AFF4: variants seen among roughly 807,000 people sequenced by gnomAD.
The protein encoded by AFF4 is AF4/FMR2 family member 4.
Under a neutral mutation model 124.8 loss-of-function variants are expected in AFF4, and 13 were observed. The observed-to-expected ratio is 0.10, with a 90% CI of 0.07 to 0.17. AFF4 has a LOEUF of 0.17. Among genes scored for constraint, AFF4 ranks in the 10% least tolerant of loss-of-function variants. AFF4 has a pLI of 1.00. For synonymous variants in AFF4, 477 were observed against 496.1 expected (o/e 0.96, Z 0.51); for missense variants, 1,092 against 1,403.8 (o/e 0.78, Z 3.55).
At chr5:132,960,530 A>G (rs1156707537) in intron 1 of AFF4, among the ~76,000 whole-genome samples, 1 of 152,236 alleles carries the variant, frequency 6.6e-6, no homozygotes, top group African/African-American at 2.4e-5. Flanking sequence ...TCAGGTACAC[A>G]TAAAACTACG....
rs1163519027 is a variant in AFF4, at chr5:132,879,579, C to A, written c.*1480G>T. 1 of 206,548 alleles carries A rather than the reference C, an allele frequency of 4.8e-6. No individual in the cohort carries two copies. The highest frequency in any genetic ancestry group is 9.9e-6 in the Non-Finnish European group (1 of 101,048). The allele number at this position is 206,548 out of a possible 1,614,324, so 12.8% of individuals were successfully genotyped here. A position where few individuals can be genotyped will look rare whatever the true frequency, so the allele number is the denominator to read the frequency against. ...CCAATCATGTATGGACGATCTGGTC[C>A]TAGTGTAAAACTTCATTTGTAAACA... is the stretch of plus-strand genomic sequence containing the variant. On this transcript the variant is annotated 3_prime_UTR_variant, in exon 21 of 21. Coordinates refer to ENST00000265343, the MANE Select transcript of AFF4 (RefSeq NM_014423.4).
chr5:132,890,258 T>G (rs1311245200), intron 13 of AFF4, among the ~76,000 whole-genome samples: 1 of 151,988 alleles, frequency 6.6e-6, no homozygotes, highest in African/African-American at 2.4e-5. Flanking sequence ...CTAGGATAGC[T>G]TTTCCTCTGT....
intron 5 of AFF4, among the ~76,000 whole-genome samples, chr5:132,910,749 T>C (rs887366122): frequency 1.3e-5 from 2 of 152,228 alleles, no homozygotes; most frequent in African/African-American, 2.4e-5. Flanking sequence ...CAAACATTCA[T>C]TGAACAGCTA....
At position 132,878,624 on chromosome 5, in the gene AFF4, A is replaced by G; in HGVS notation, c.*2435T>C. On this transcript the variant is annotated 3_prime_UTR_variant, in exon 21 of 21. Transcript: ENST00000265343. ...CATTGAAAATTCAATCATTTATGATAGGATTTTGATCCATTGCCCATTACT... is the reference window on the plus strand; with the variant it reads ...CATTGAAAATTCAATCATTTATGATGGGATTTTGATCCATTGCCCATTACT... 4.4e-6 allele frequency: 1 copy of G among 229,076 alleles called. No individual in the cohort carries two copies. Among genetic ancestry groups the G allele is most frequent in the Non-Finnish European group, 8.7e-6 (1 of 115,228 alleles). The allele number at this position is 229,076 out of a possible 1,614,324, so 14.2% of individuals were successfully genotyped here.
chr5:132,935,644 GTC>G (rs1411598571), intron 2 of AFF4, among the ~76,000 whole-genome samples: 1 of 151,882 alleles, frequency 6.6e-6, no homozygotes, highest in Non-Finnish European at 1.5e-5. Context: ...GGTGGCGGGT[GTC>G]TGTAATCCCA....
At chr5:132,901,931 C>G (rs1442551264) in intron 7 of AFF4, among the ~76,000 whole-genome samples, 1 of 152,186 alleles carries the variant, frequency 6.6e-6, no homozygotes, top group Non-Finnish European at 1.5e-5. Flanking sequence ...TGCTTTCATA[C>G]TACAGATGGC....
intron 11 of AFF4, 63 bp from the exon 12 acceptor site, chr5:132,893,181 G>GCTAC: frequency 3.0e-6 from 4 of 1,325,202 alleles, no homozygotes; most frequent in Non-Finnish European, 4.4e-6. Flanking sequence ...TCCAGCACTA[G>GCTAC]CTACCCACAA....
intron 5 of AFF4, among the ~76,000 whole-genome samples, chr5:132,918,347 C>G (rs936602484): frequency 6.9e-6 from 1 of 145,102 alleles, no homozygotes; most frequent in Non-Finnish European, 1.5e-5. Context: ...GGTGACAGAG[C>G]AAGACTCTGT....
chr5:132,942,978 A>G (rs1761608382), intron 1 of AFF4: 1 of 215,568 alleles, frequency 4.6e-6, no homozygotes, highest in Admixed American at 4.1e-5. Flanking sequence ...TGGGTCTTGG[A>G]TAAACTGAAA....
intron 1 of AFF4, among the ~76,000 whole-genome samples, chr5:132,957,260 G>A (rs1031314363): frequency 6.6e-6 from 1 of 150,892 alleles, no homozygotes; most frequent in African/African-American, 2.4e-5. Context: ...AGGATCACAT[G>A]TGTGCAGCAG....
intron 7 of AFF4, among the ~76,000 whole-genome samples, chr5:132,900,644 C>A (rs1760528852): frequency 6.6e-6 from 1 of 152,164 alleles, no homozygotes; most frequent in African/African-American, 2.4e-5. Flanking sequence ...CACATACACA[C>A]AAATACTATA....
chr5:132,879,610 T>C lies in AFF4; in HGVS notation c.*1449A>G. 1 of 207,922 alleles carries C rather than the reference T, an allele frequency of 4.8e-6. No homozygotes were observed. The highest frequency in any genetic ancestry group is 7.4e-5 in the East Asian group (1 of 13,576). 12.9% of individuals were successfully genotyped at this position (207,922 alleles called of 1,614,324 possible). A position where few individuals can be genotyped will look rare whatever the true frequency, so the allele number is the denominator to read the frequency against. On this transcript the variant is annotated 3_prime_UTR_variant, in exon 21 of 21. Coordinates refer to ENST00000265343, the MANE Select transcript of AFF4 (RefSeq NM_014423.4). Reference sequence around the variant, plus strand: ...TAAAACTTCATTTGTAAACAATCCATAGAGTCTTCATTTAAAGGTAAGATT... The same window carrying C: ...TAAAACTTCATTTGTAAACAATCCACAGAGTCTTCATTTAAAGGTAAGATT...
At position 132,882,579 on chromosome 5, in the gene AFF4, G is replaced by A. The variant is rs183931382; in HGVS notation, c.3364+761C>T. Among the ~76,000 whole-genome samples the A allele has an allele frequency of 5.9e-5, 9 of 152,166 alleles. No homozygotes were observed. The East Asian group carries it at 9.7e-4, about 16-fold the overall frequency. Reference sequence around the variant, plus strand: ...TTAAAGAATGTTAAGAATTCTGGCCGGACGTGGTGGCTCACACCTGTAATC... The same window carrying A: ...TTAAAGAATGTTAAGAATTCTGGCCAGACGTGGTGGCTCACACCTGTAATC... On this transcript the variant is annotated intron_variant, in intron 20 of 20. Transcript: ENST00000265343.
At position 132,880,455 on chromosome 5, in the gene AFF4, A is replaced by C. The variant is rs1460011447; in HGVS notation, c.*604T>G. Reference sequence around the variant, plus strand: ...TTTCTCATATTTAAGTGATTTTTTCATGTGTAGAAGAATATCCTTAATACT... The same window carrying C: ...TTTCTCATATTTAAGTGATTTTTTCCTGTGTAGAAGAATATCCTTAATACT... On this transcript the variant is annotated 3_prime_UTR_variant, in exon 21 of 21. Transcript: ENST00000265343. 1 of 397,674 alleles carries C rather than the reference A, an allele frequency of 2.5e-6. No individual in the cohort carries two copies. The highest frequency in any genetic ancestry group is 4.4e-6 in the Non-Finnish European group (1 of 225,624). 24.6% of individuals were successfully genotyped at this position (397,674 alleles called of 1,614,324 possible).
chr5:132,911,122 T>C (rs1561491371), intron 5 of AFF4, among the ~76,000 whole-genome samples: 3 of 152,280 alleles, frequency 2.0e-5, no homozygotes, highest in South Asian at 4.1e-4. Flanking sequence ...CATGGATCAT[T>C]TGTTTTTCCC....
chr5:132,938,904 C>T (rs1391502637), intron 1 of AFF4, among the ~76,000 whole-genome samples: 12 of 130,184 alleles, frequency 9.2e-5, no homozygotes, highest in African/African-American at 3.7e-4. Context: ...GATGGCACCA[C>T]TGCACTCCAG....
intron 14 of AFF4, 113 bp from the exon 15 acceptor site, chr5:132,888,273 G>A (rs1760166890): frequency 1.3e-6 from 1 of 741,926 alleles, no homozygotes; most frequent in Non-Finnish European, 2.1e-6. Flanking sequence ...AAAATGAGCT[G>A]TTACTAAGAA....
In AFF4 at chr5:132,899,111, G is replaced by C. The variant is rs1760484186; in HGVS notation, c.1219C>G (p.Pro407Ala). The C allele has an allele frequency of 6.2e-7, 1 of 1,613,218 alleles. No individual in the cohort carries two copies. Among genetic ancestry groups the C allele is most frequent in the Non-Finnish European group, 8.5e-7 (1 of 1,179,420 alleles). ...AAAGAAAAGGATGCCCACCTTCCTGGTGTACTCCTCGGCATTGTCTTATCA... is the reference window on the plus strand; with the variant it reads ...AAAGAAAAGGATGCCCACCTTCCTGCTGTACTCCTCGGCATTGTCTTATCA... ...DCDKTMPRST[P>A]GSNSEPSHHN... The change falls in exon 9 of 21, where the codon CCA (proline) becomes GCA (alanine). Residue 407 changes from proline to alanine, a missense_variant. Transcript: ENST00000265343.
In AFF4 at chr5:132,952,718, A is replaced by G. The variant is rs534913134; in HGVS notation, c.-5+10541T>C. Reference sequence around the variant, plus strand: ...AGACCAGCCTAGCCAACATGGCGAAACTCCGTCTCTGCTAAAAATAACAAA... The same window carrying G: ...AGACCAGCCTAGCCAACATGGCGAAGCTCCGTCTCTGCTAAAAATAACAAA... On this transcript the variant is annotated intron_variant, in intron 1 of 20. Coordinates refer to ENST00000265343, the MANE Select transcript of AFF4 (RefSeq NM_014423.4). Among the ~76,000 whole-genome samples the G allele has an allele frequency of 1.2e-4, 19 of 152,230 alleles. No homozygotes were observed. In the East Asian group the frequency reaches 3.7e-3, roughly 29 times the overall value.
Sources: gnomAD v4.1 joint callset for allele counts (sites outside exome capture counted in the v4.1 genomes callset) on GRCh38, gnomAD v4.1.1 for gene constraint, MANE v1.5 for transcripts, NCBI Gene and HGNC (gene_info 2026-07-23, HGNC 2026-07-21) for gene names.